Variants in ZSWIM6 observed in about 807,000 individuals in gnomAD.
ZSWIM6 encodes zinc finger SWIM domain-containing protein 6.
A neutral mutation model predicts 113.2 loss-of-function variants in ZSWIM6; 9 were observed. That is an observed-to-expected ratio of 0.08 (90% confidence interval 0.05 to 0.14). The LOEUF is 0.14. Among genes scored for constraint, ZSWIM6 ranks in the 10% least tolerant of loss-of-function variants. The pLI is 1.00. For missense variants in ZSWIM6, 1,162 were observed against 1,552.2 expected, an observed-to-expected ratio of 0.75 and a Z score of 4.22; for synonymous variants, 611 against 606.5, an observed-to-expected ratio of 1.01 and a Z score of -0.11.
At chr5:61,417,249 A>T (rs1253040886) in intron 1 of ZSWIM6, among the ~76,000 whole-genome samples, 1 of 152,224 alleles carries the variant, frequency 6.6e-6, no homozygotes, top group African/African-American at 2.4e-5. Context: ...TTGAGTTCAC[A>T]AAGGAGTTCA....
chr5:61,424,516 A>G (rs1350284665), intron 1 of ZSWIM6, among the ~76,000 whole-genome samples: 2 of 152,170 alleles, frequency 1.3e-5, no homozygotes, highest in Non-Finnish European at 2.9e-5. Flanking sequence ...AGGCACTTCA[A>G]GGTCCATTTT....
At chr5:61,338,089 G>A (rs959852791) in intron 1 of ZSWIM6, among the ~76,000 whole-genome samples, 2 of 151,356 alleles carry the variant, frequency 1.3e-5, no homozygotes, top group East Asian at 1.9e-4. Context: ...AAAGAATATC[G>A]CCCAGCATTC....
intron 4 of ZSWIM6, among the ~76,000 whole-genome samples, chr5:61,494,683 T>C (rs1748272614): frequency 6.6e-6 from 1 of 152,136 alleles, no homozygotes; most frequent in South Asian, 2.1e-4. Context: ...AAAAAAGCTG[T>C]ATTATTTTTA....
rs1314965966 is a variant in ZSWIM6 at position 61,517,770 on chromosome 5, ATTATTTAATTATTTAT to A, written c.1334-3485_1334-3470del. ...GAAATCCTCAGGAGATTTTTTTTTAATTATTTAATTATTTATTTATTTATTTATTTATTATTATTAT... is the reference window on the plus strand; with the variant it reads ...GAAATCCTCAGGAGATTTTTTTTTAATTATTTATTTATTTATTATTATTAT... On this transcript the variant is annotated intron_variant, in intron 4 of 13. Transcript: ENST00000252744. 7.3e-5 allele frequency among the ~76,000 whole-genome samples: 11 copies of A among 150,000 alleles called. No homozygotes were observed. The South Asian group carries it at 1.9e-3, about 26-fold the overall frequency.
chr5:61,456,810 C>T (rs1310308931), intron 1 of ZSWIM6, among the ~76,000 whole-genome samples: 5 of 151,888 alleles, frequency 3.3e-5, no homozygotes, highest in Non-Finnish European at 7.4e-5. Flanking sequence ...TTTCTTCTAT[C>T]ATATTTTACA....
Position 61,544,478 on chromosome 5 carries a change from A to G in ZSWIM6, c.*161A>G. The G allele has an allele frequency of 2.6e-6, 1 of 379,666 alleles. No homozygotes were observed. The allele number at this position is 379,666 out of a possible 1,614,324, so 23.5% of individuals were successfully genotyped here. A position where few individuals can be genotyped will look rare whatever the true frequency, so the allele number is the denominator to read the frequency against. ...GCAGACTAAATTGTCATGTTGTGAAAGTTTGTGTGTTTTTTATTTTTTCCC... is the reference window on the plus strand; with the variant it reads ...GCAGACTAAATTGTCATGTTGTGAAGGTTTGTGTGTTTTTTATTTTTTCCC... On this transcript the variant is annotated 3_prime_UTR_variant, in exon 14 of 14. Transcript: ENST00000252744.
intron 4 of ZSWIM6, among the ~76,000 whole-genome samples, chr5:61,506,881 T>C (rs926455325): frequency 2.0e-5 from 3 of 152,212 alleles, no homozygotes; most frequent in Non-Finnish European, 2.9e-5. Context: ...AATTGTTTAA[T>C]AGCCGTGGAA....
intron 2 of ZSWIM6, among the ~76,000 whole-genome samples, chr5:61,476,599 C>A (rs1345208483): frequency 6.6e-6 from 1 of 152,168 alleles, no homozygotes; most frequent in Non-Finnish European, 1.5e-5. Flanking sequence ...ATTTTTAAAG[C>A]AAAATTGTTT....
intron 1 of ZSWIM6, among the ~76,000 whole-genome samples, chr5:61,339,539 C>T (rs1393208449): frequency 6.6e-6 from 1 of 151,804 alleles, no homozygotes; most frequent in African/African-American, 2.4e-5. Context: ...AGCTTACTTA[C>T]ATATACATAT....
chr5:61,381,960 C>CTAG (rs1326593603), intron 1 of ZSWIM6, among the ~76,000 whole-genome samples: 2 of 152,198 alleles, frequency 1.3e-5, no homozygotes, highest in Non-Finnish European at 2.9e-5. Context: ...ACGTGTTGTA[C>CTAG]TAGTAAAGGT....
intron 1 of ZSWIM6, chr5:61,375,760 A>T: frequency 6.5e-7 from 1 of 1,530,324 alleles, no homozygotes; most frequent in Non-Finnish European, 8.9e-7. Flanking sequence ...AGAACGAGAA[A>T]AAGCAACAGA....
At chr5:61,389,958 G>A (rs558866370) in intron 1 of ZSWIM6, among the ~76,000 whole-genome samples, 1 of 152,346 alleles carries the variant, frequency 6.6e-6, no homozygotes, top group Admixed American at 6.5e-5. Context: ...ATGAGAACGT[G>A]TCATTAATGA....
chr5:61,502,924 CAT>C (rs1432683116), intron 4 of ZSWIM6, among the ~76,000 whole-genome samples: 6 of 152,144 alleles, frequency 3.9e-5, no homozygotes, highest in African/African-American at 1.2e-4. Flanking sequence ...CACCAGTACT[CAT>C]ACGTGGAAAA....
intron 12 of ZSWIM6, among the ~76,000 whole-genome samples, chr5:61,540,495 T>C (rs907417847): frequency 3.9e-5 from 6 of 152,168 alleles, no homozygotes; most frequent in Non-Finnish European, 7.3e-5. Context: ...ATAATTAATC[T>C]GGTGTTTTAG....
At chr5:61,492,625 C>T (rs1475217114) in intron 3 of ZSWIM6, among the ~76,000 whole-genome samples, 1 of 152,118 alleles carries the variant, frequency 6.6e-6, no homozygotes, top group Non-Finnish European at 1.5e-5. Context: ...CCTTTTCTTC[C>T]TCCATCTTCA....
chr5:61,438,873 T>G (rs1206087410), intron 1 of ZSWIM6, among the ~76,000 whole-genome samples: 1 of 152,178 alleles, frequency 6.6e-6, no homozygotes, highest in Non-Finnish European at 1.5e-5. Context: ...TGCTTTTTAA[T>G]GGAGAAACAT....
chr5:61,496,272 C>A (rs1245155059), intron 4 of ZSWIM6, among the ~76,000 whole-genome samples: 1 of 152,120 alleles, frequency 6.6e-6, no homozygotes, highest in Non-Finnish European at 1.5e-5. Flanking sequence ...CCAATCATTA[C>A]TAGACTGCTA....
intron 1 of ZSWIM6, among the ~76,000 whole-genome samples, chr5:61,444,400 A>G (rs545789461): frequency 1.5e-4 from 23 of 152,210 alleles, no homozygotes; most frequent in Non-Finnish European, 2.6e-4. Flanking sequence ...TAGTGCTGCT[A>G]TAAACATACG....
intron 1 of ZSWIM6, among the ~76,000 whole-genome samples, chr5:61,334,348 A>G (rs942030015): frequency 1.3e-5 from 2 of 152,200 alleles, no homozygotes; most frequent in Non-Finnish European, 2.9e-5. Context: ...TGCAAATGGC[A>G]TATTTTCTGA....
Sources: gnomAD v4.1 joint callset for allele counts (sites outside exome capture counted in the v4.1 genomes callset) on GRCh38, gnomAD v4.1.1 for gene constraint, MANE v1.5 for transcripts, NCBI Gene and HGNC (gene_info 2026-07-23, HGNC 2026-07-21) for gene names.